The following ARHGAP26 variants were observed in gnomAD, a reference collection of about 807,000 sequenced individuals.
The protein encoded by ARHGAP26 is Rho GTPase activating protein 26, also known as rho GTPase-activating protein 26.
ARHGAP26 carries 38 observed loss-of-function variants against 104.8 expected under a neutral mutation model. The observed-to-expected ratio is 0.36, with a 90% CI of 0.28 to 0.48. The LOEUF (loss-of-function observed/expected upper bound fraction) is 0.48. ARHGAP26 is among the 20% of genes least tolerant of loss of function. The pLI is 0.99. For missense variants in ARHGAP26, 704 were observed against 947.9 expected (o/e 0.74, Z 3.38); for synonymous variants, 341 against 340.0 (o/e 1.00, Z -0.03).
At chr5:143,073,063 A>C (rs1788501007) in intron 17 of ARHGAP26, among the ~76,000 whole-genome samples, 2 of 152,220 alleles carry the variant, frequency 1.3e-5, no homozygotes, top group Non-Finnish European at 2.9e-5. Flanking sequence ...AAATTGTTTT[A>C]GTAATAGTTA....
chr5:142,959,172 A>G (rs79781437), intron 11 of ARHGAP26, among the ~76,000 whole-genome samples: 5,869 of 152,262 alleles, frequency 0.039, 121 homozygotes, highest in South Asian at 0.058. Context: ...ATGCTCCATT[A>G]TGTCATGCTA....
intron 8 of ARHGAP26, among the ~76,000 whole-genome samples, chr5:142,904,726 GA>G (rs1760874269): frequency 6.6e-6 from 1 of 152,204 alleles, no homozygotes; most frequent in South Asian, 2.1e-4. Context: ...AGGAACGAAA[GA>G]AAGTGAATGT....
At chr5:142,799,435 A>T (rs1761618925) in intron 1 of ARHGAP26, among the ~76,000 whole-genome samples, 1 of 152,058 alleles carries the variant, frequency 6.6e-6, no homozygotes, top group African/African-American at 2.4e-5. Context: ...TGAGAAGTTT[A>T]CCCTCCATCT....
intron 13 of ARHGAP26, among the ~76,000 whole-genome samples, chr5:143,039,570 G>A (rs1018117805): frequency 1.3e-5 from 2 of 151,248 alleles, no homozygotes; most frequent in Admixed American, 1.3e-4. Context: ...AGAATAAAAT[G>A]TACAGAGTTT....
chr5:143,030,551 A>G (rs1232196588), intron 12 of ARHGAP26, among the ~76,000 whole-genome samples: 4 of 152,222 alleles, frequency 2.6e-5, no homozygotes, highest in African/African-American at 7.2e-5. Context: ...GGAAGGAAGG[A>G]AGTGGTTAGA....
chr5:143,132,861 TAAAA>T (rs11339754), intron 18 of ARHGAP26, among the ~76,000 whole-genome samples: 1 of 134,650 alleles, frequency 7.4e-6, no homozygotes. Flanking sequence ...GAATCTGGGG[TAAAA>T]AAAAAAAAAA....
intron 17 of ARHGAP26, among the ~76,000 whole-genome samples, chr5:143,074,095 G>C (rs1226559014): frequency 1.3e-5 from 2 of 152,072 alleles, no homozygotes; most frequent in Non-Finnish European, 2.9e-5. Flanking sequence ...AAAGGTTTTT[G>C]TGGATTTTTT....
intron 1 of ARHGAP26, among the ~76,000 whole-genome samples, chr5:142,808,118 C>T (rs1451600481): frequency 1.3e-5 from 2 of 151,216 alleles, no homozygotes; most frequent in Non-Finnish European, 2.9e-5. Flanking sequence ...GCCTGTAGTC[C>T]CAGCTACTCG....
chr5:142,890,152 ATATATATATATATATATATATATATAT>A (rs1301351386), intron 5 of ARHGAP26, among the ~76,000 whole-genome samples: 4 of 21,930 alleles, frequency 1.8e-4, no homozygotes, highest in African/African-American at 3.9e-4. Flanking sequence ...AAAAAAAAAA[ATATATATATATATATATATATATATAT>A]ATATATATAT....
chr5:142,954,931 T>A (rs1169074968), intron 11 of ARHGAP26, among the ~76,000 whole-genome samples: 1 of 152,180 alleles, frequency 6.6e-6, no homozygotes, highest in African/African-American at 2.4e-5. Flanking sequence ...AATTTAATAA[T>A]CACTTTTGAG....
chr5:143,091,262 G>A (rs1234381655), intron 17 of ARHGAP26, among the ~76,000 whole-genome samples: 1 of 152,162 alleles, frequency 6.6e-6, no homozygotes, highest in African/African-American at 2.4e-5. Context: ...TCCTTCCCAG[G>A]CTGGCTTGAG....
At chr5:142,937,675 A>C (rs1765632373) in intron 11 of ARHGAP26, among the ~76,000 whole-genome samples, 1 of 152,190 alleles carries the variant, frequency 6.6e-6, no homozygotes, top group Non-Finnish European at 1.5e-5. Flanking sequence ...TGGTTAAACA[A>C]ACTGGTACAT....
At chr5:142,794,017 C>A (rs1203710925) in intron 1 of ARHGAP26, among the ~76,000 whole-genome samples, 3 of 152,214 alleles carry the variant, frequency 2.0e-5, no homozygotes, top group Non-Finnish European at 2.9e-5. Flanking sequence ...TGTTGTGGTA[C>A]ATCTCTGGAA....
Position 143,194,138 on chromosome 5 carries a change from A to G in ARHGAP26, c.1989-13060A>G, listed in dbSNP as rs1806419805. 2.6e-5 allele frequency: 4 copies of G among 152,258 alleles called. No individual in the cohort carries two copies. The South Asian group carries it at 8.3e-4, about 31-fold the overall frequency. The allele number at this position is 152,258 out of a possible 1,614,324, so 9.4% of individuals were successfully genotyped here. A position where few individuals can be genotyped will look rare whatever the true frequency, so the allele number is the denominator to read the frequency against. On this transcript the variant is annotated intron_variant, in intron 20 of 22. Coordinates refer to ENST00000645722, the MANE Select transcript of ARHGAP26 (RefSeq NM_001135608.3). ...AGAAGAAGGGGAATGCAAAAATTCT[A>G]GAATAAACTGTAACTACATATTCCA...
chr5:142,937,387 T>A (rs1401580868), intron 11 of ARHGAP26, among the ~76,000 whole-genome samples: 2 of 152,114 alleles, frequency 1.3e-5, no homozygotes, highest in African/African-American at 4.8e-5. Flanking sequence ...TTAAAAGTAG[T>A]GAAAATACTG....
chr5:143,085,900 T>A (rs575183783), intron 17 of ARHGAP26, among the ~76,000 whole-genome samples: 1 of 152,230 alleles, frequency 6.6e-6, no homozygotes, highest in East Asian at 1.9e-4. Flanking sequence ...TGGTTTCTTA[T>A]AATATTTAAA....
chr5:142,991,621 T>G (rs1449506719), intron 11 of ARHGAP26, among the ~76,000 whole-genome samples: 1 of 152,206 alleles, frequency 6.6e-6, no homozygotes, highest in Non-Finnish European at 1.5e-5. Flanking sequence ...ATACCATATT[T>G]TTACTGTACG....
intron 14 of ARHGAP26, among the ~76,000 whole-genome samples, chr5:143,043,173 G>A (rs1429674234): frequency 6.6e-6 from 1 of 152,172 alleles, no homozygotes; most frequent in Non-Finnish European, 1.5e-5. Flanking sequence ...TCCTTGTGAT[G>A]TTGTACAAGC....
At chr5:143,139,257 A>G (rs1245502471) in intron 19 of ARHGAP26, among the ~76,000 whole-genome samples, 1 of 152,240 alleles carries the variant, frequency 6.6e-6, no homozygotes, top group Non-Finnish European at 1.5e-5. Context: ...TAACCTCATT[A>G]TCTCGTGTCA....
Sources: gnomAD v4.1 joint callset for allele counts (sites outside exome capture counted in the v4.1 genomes callset) on GRCh38, gnomAD v4.1.1 for gene constraint, MANE v1.5 for transcripts, NCBI Gene and HGNC (gene_info 2026-07-23, HGNC 2026-07-21) for gene names.